Variants in LRRC27 observed in about 807,000 individuals in gnomAD.
The protein encoded by LRRC27 is leucine rich repeat containing 27, also known as leucine-rich repeat-containing protein 27.
LRRC27 carries 57 observed loss-of-function variants against 55.0 expected under a neutral mutation model. The ratio of observed to expected loss-of-function variants is 1.04; its 90% confidence interval spans 0.84 to 1.29. The LOEUF (loss-of-function observed/expected upper bound fraction) is 1.29. LRRC27 is among the 50% of genes most tolerant of loss of function. The pLI is 0.00. For synonymous variants in LRRC27, 278 were observed against 251.9 expected (o/e 1.10, Z -0.98); for missense variants, 721 against 651.5 (o/e 1.11, Z -1.16).
intron 10 of LRRC27, chr10:132,366,833 C>T (rs1277266260): frequency 1.6e-6 from 2 of 1,265,654 alleles, no homozygotes; most frequent in Admixed American, 2.4e-5. Context: ...TCCGCTGTTT[C>T]CCTCTCTCCT....
upstream of LRRC27, chr10:132,331,830 G>A (rs1476707348): frequency 2.6e-6 from 4 of 1,534,918 alleles, no homozygotes; most frequent in East Asian, 4.6e-5. Context: ...CTTCAAGGCC[G>A]CGGGCGCGGA....
upstream of LRRC27, chr10:132,330,286 T>A: frequency 3.3e-6 from 2 of 605,272 alleles, no homozygotes; most frequent in African/African-American, 1.8e-5. Flanking sequence ...GGGAATACGC[T>A]CAAATGGTTA....
At chr10:132,353,801 G>A (rs985753897) in intron 7 of LRRC27, among the ~76,000 whole-genome samples, 46 of 152,154 alleles carry the variant, frequency 3.0e-4, no homozygotes, top group African/African-American at 9.9e-4. Context: ...AGCCGGGCCC[G>A]TCACTCACTG....
intron 9 of LRRC27, among the ~76,000 whole-genome samples, chr10:132,364,538 A>ACTCATGCTTAC (rs1564853983): frequency 3.8e-4 from 4 of 10,438 alleles, no homozygotes; most frequent in Admixed American, 8.7e-4. Context: ...CCCACACTTA[A>ACTCATGCTTAC]ATCTACCTCC....
upstream of LRRC27, chr10:132,331,829 C>G (rs1262440132): frequency 6.5e-7 from 1 of 1,538,252 alleles, no homozygotes; most frequent in East Asian, 2.3e-5. Flanking sequence ...CCTTCAAGGC[C>G]GCGGGCGCGG....
chr10:132,379,245 C>T lies in LRRC27; in HGVS notation c.*4003C>T, dbSNP rs2069380602. 6.8e-6 allele frequency: 1 copy of T among 147,376 alleles called. No individual in the cohort carries two copies. The highest frequency in any genetic ancestry group is 2.6e-5 in the African/African-American group (1 of 38,874). 9.1% of individuals were successfully genotyped at this position (147,376 alleles called of 1,614,324 possible). ...CTCGGGGAGTGCGTGGTCTCAGATC[C>T]CATCCTGCTCCTCTCCAGAGTTTCC... On this transcript the variant is annotated 3_prime_UTR_variant, in exon 11 of 11. Transcript: ENST00000368614.
upstream of LRRC27, chr10:132,331,447 G>C: frequency 6.2e-7 from 1 of 1,609,838 alleles, no homozygotes; most frequent in African/African-American, 1.3e-5. Context: ...GCGTTTCCTC[G>C]CCCCCCTCAC....
At chr10:132,358,701 A>AGAGCAGTGTGGGGAGGAGCCAAGGTGGTG (rs2068444373) in intron 8 of LRRC27, among the ~76,000 whole-genome samples, 1 of 8,778 alleles carries the variant, frequency 1.1e-4, no homozygotes, top group African/African-American at 4.7e-4. Flanking sequence ...CCGAGGTGGT[A>AGAGCAGTGTGGGGAGGAGCCAAGGTGGTG]GAGCAGTGTG....
upstream of LRRC27, chr10:132,332,151 T>G: frequency 1.8e-5 from 3 of 164,032 alleles, no homozygotes; most frequent in Non-Finnish European, 3.9e-5. Flanking sequence ...CGGGATTCCG[T>G]ACCGGCGTCT....
At chr10:132,356,546 G>A (rs1325479301) in intron 8 of LRRC27, among the ~76,000 whole-genome samples, 1 of 43,714 alleles carries the variant, frequency 2.3e-5, no homozygotes, top group African/African-American at 1.1e-4. Flanking sequence ...TATGGGACAT[G>A]GGATATCCTG....
chr10:132,331,717 C>G (rs1442882707), upstream of LRRC27: 12 of 1,612,608 alleles, frequency 7.4e-6, no homozygotes, highest in Non-Finnish European at 1.0e-5. Flanking sequence ...CCCTCCGGCT[C>G]CCCAGACGGC....
chr10:132,330,496 G>T, upstream of LRRC27: 3 of 717,038 alleles, frequency 4.2e-6, no homozygotes, highest in Non-Finnish European at 7.8e-6. Flanking sequence ...CTGATTGGTA[G>T]ATAGTTGGGT....
rs149719025 is a variant in LRRC27 at position 132,333,730 on chromosome 10, T to G, written c.206T>G (p.Leu69Arg). 50 of 1,612,146 alleles carry G rather than the reference T, an allele frequency of 3.1e-5. No homozygotes were observed. The African/African-American group carries it at 6.5e-4, about 21-fold the overall frequency. Residue 69 changes from leucine (L) to arginine (R), a missense_variant, in exon 2 of 11, where the codon CTT becomes CGT. By Grantham distance (102) the Leu-to-Arg change is moderately radical (BLOSUM62 -2). Coordinates refer to ENST00000368614, the MANE Select transcript of LRRC27 (RefSeq NM_030626.3). ...GAGGAGGTCTTTAGAATCCCCAGCCTTCAAGTAAGTGGGGCTGCTCCTCAG... is the reference window on the plus strand; with the variant it reads ...GAGGAGGTCTTTAGAATCCCCAGCCGTCAAGTAAGTGGGGCTGCTCCTCAG... ...RLEEVFRIPS[L>R]QQLHLQRNAL...
Position 132,348,308 on chromosome 10 carries a change from C to T in LRRC27, c.878C>T (p.Ala293Val), listed in dbSNP as rs761712853. The T allele has an allele frequency of 8.7e-6, 14 of 1,613,720 alleles. No individual in the cohort carries two copies. Among genetic ancestry groups the T allele is most frequent in the African/African-American group, 2.7e-5 (2 of 74,920 alleles). ...AGGGAATTACCTCCAAATCTCAAGG[C>T]GGCCTTGAACATTGAGAAAGAACTA... ...LTRELPPNLK[A>V]ALNIEKELPK... Residue 293 changes from alanine to valine, a missense_variant, in exon 6 of 11, where the codon GCG becomes GTG. Coordinates refer to ENST00000368614, the MANE Select transcript of LRRC27 (RefSeq NM_030626.3). The surrounding 1 kb of genome is among the most constrained non-coding windows in gnomAD (Gnocchi z 4.2).
chr10:132,376,375 G>C lies in LRRC27; in HGVS notation c.*1133G>C, dbSNP rs1218936842. 1 of 152,256 alleles carries C rather than the reference G, an allele frequency of 6.6e-6. No homozygotes were observed. The highest frequency in any genetic ancestry group is 2.4e-5 in the African/African-American group (1 of 41,472). 9.4% of individuals were successfully genotyped at this position (152,256 alleles called of 1,614,324 possible). The stretch of plus-strand genomic sequence containing the variant: ...ACTTCCAAACCCATGTATTAGAGAA[G>C]AAGGGCGTGAAATTTATCACCTAAG... On this transcript the variant is annotated 3_prime_UTR_variant, in exon 11 of 11. Coordinates refer to ENST00000368614, the MANE Select transcript of LRRC27 (RefSeq NM_030626.3).
At chr10:132,346,815 C>A (rs1215680292) in intron 5 of LRRC27, among the ~76,000 whole-genome samples, 2 of 129,062 alleles carry the variant, frequency 1.5e-5, no homozygotes, top group Non-Finnish European at 3.3e-5. Context: ...TCACTTGTAC[C>A]CCAGGGGGAA....
At chr10:132,343,615 C>G (rs1008615366) in intron 4 of LRRC27, among the ~76,000 whole-genome samples, 8 of 152,254 alleles carry the variant, frequency 5.3e-5, no homozygotes, top group Non-Finnish European at 1.2e-4. Flanking sequence ...TGTTTTCCAA[C>G]TGGACCAGTG....
chr10:132,340,193 A>G (rs1027886828), intron 3 of LRRC27, among the ~76,000 whole-genome samples: 6 of 152,240 alleles, frequency 3.9e-5, no homozygotes, highest in Admixed American at 3.3e-4. Context: ...TTTAAAATCA[A>G]TGAAACGAAT....
At chr10:132,373,424 A>C (rs2069262122) in intron 10 of LRRC27, among the ~76,000 whole-genome samples, 2 of 152,134 alleles carry the variant, frequency 1.3e-5, no homozygotes, top group South Asian at 2.1e-4. Flanking sequence ...CAGCATCCCG[A>C]ACCAGAGCAG....
Sources: gnomAD v4.1 joint callset for allele counts (sites outside exome capture counted in the v4.1 genomes callset) on GRCh38, gnomAD v4.1.1 for gene constraint, Gnocchi (gnomAD v3.1) non-coding constraint, MANE v1.5 for transcripts, NCBI Gene and HGNC (gene_info 2026-07-23, HGNC 2026-07-21) for gene names.